PPIG: variants seen among roughly 807,000 people sequenced by gnomAD.
The protein encoded by PPIG is peptidyl-prolyl cis-trans isomerase G.
PPIG carries 26 observed loss-of-function variants against 87.9 expected under a neutral mutation model. The observed-to-expected ratio is 0.30, with a 90% confidence interval of 0.22 to 0.41. The LOEUF (loss-of-function observed/expected upper bound fraction) is 0.41. Among genes scored for constraint, PPIG ranks in the 10% least tolerant of loss-of-function variants. PPIG has a pLI of 1.00. For synonymous variants in PPIG, 308 were observed against 276.5 expected (o/e 1.11, Z -1.13); for missense variants, 722 against 879.4 (o/e 0.82, Z 2.26).
At chr2:169,588,854 G>A (rs1389623776) in intron 1 of PPIG, among the ~76,000 whole-genome samples, 1 of 151,290 alleles carries the variant, frequency 6.6e-6, no homozygotes, top group Non-Finnish European at 1.5e-5. Flanking sequence ...CAGCTACTCG[G>A]AGGCTGAGGC....
At chr2:169,587,621 A>G (rs569876016) in intron 1 of PPIG, among the ~76,000 whole-genome samples, 1 of 152,318 alleles carries the variant, frequency 6.6e-6, no homozygotes, top group African/African-American at 2.4e-5. Flanking sequence ...TAATGCATAA[A>G]TGGTCACCAT....
intron 1 of PPIG, among the ~76,000 whole-genome samples, chr2:169,601,149 A>G (rs549835625): frequency 5.3e-5 from 8 of 152,220 alleles, no homozygotes; most frequent in South Asian, 2.1e-4. Context: ...TTGTGTTACA[A>G]TGAAACTGCC....
chr2:169,589,121 AT>A (rs113928940), intron 1 of PPIG, among the ~76,000 whole-genome samples: 60 of 152,278 alleles, frequency 3.9e-4, no homozygotes, highest in African/African-American at 1.4e-3. Flanking sequence ...AGTGCGTAAT[AT>A]CCTTATTTAA....
chr2:169,600,387 T>C (rs1685148567), intron 1 of PPIG, among the ~76,000 whole-genome samples: 1 of 152,202 alleles, frequency 6.6e-6, no homozygotes, highest in Non-Finnish European at 1.5e-5. Flanking sequence ...CTAAGCTCTT[T>C]ACATGTTAAA....
chr2:169,627,829 T>A (rs2105514932), intron 9 of PPIG, among the ~76,000 whole-genome samples: 1 of 151,972 alleles, frequency 6.6e-6, no homozygotes, highest in Admixed American at 6.5e-5. Context: ...AGACTGGTGA[T>A]TAAAGCTTTT....
chr2:169,585,506 A>T (rs1574429368), intron 1 of PPIG, among the ~76,000 whole-genome samples: 2 of 151,796 alleles, frequency 1.3e-5, no homozygotes, highest in African/African-American at 4.8e-5. Context: ...TGATCCGCCC[A>T]CCTCGGCCTC....
At chr2:169,631,648 G>A (rs750705583) in intron 10 of PPIG, 118 bp from the exon 11 acceptor site, 1 of 1,501,724 alleles carries the variant, frequency 6.7e-7, no homozygotes, top group Non-Finnish European at 8.8e-7. Context: ...CACATCTTTG[G>A]TAAGGACAGG....
At position 169,640,174 on chromosome 2, in the gene PPIG, T is replaced by C. The variant is rs1686277301; in HGVS notation, c.*2651T>C. 6.6e-6 allele frequency: 1 copy of C among 152,176 alleles called. No homozygotes were observed. The highest frequency in any genetic ancestry group is 2.4e-5 in the African/African-American group (1 of 41,450). 9.4% of individuals were successfully genotyped at this position (152,176 alleles called of 1,614,324 possible). The stretch of plus-strand genomic sequence containing the variant: ...ATTAAATTACTACATAGTTGGTAAG[T>C]TCATAGTTTTAAGTTACTTAATTGA... On this transcript the variant is annotated 3_prime_UTR_variant, in exon 14 of 14. Transcript: ENST00000260970.
At position 169,602,292 on chromosome 2, in the gene PPIG, A is replaced by G. The variant is rs1685206296; in HGVS notation, c.-69-1350A>G. ...AAGGATATTCAATCTGTACATACTGAGTTAAATAGAATATATTAAAATTAG... is the reference window on the plus strand; with the variant it reads ...AAGGATATTCAATCTGTACATACTGGGTTAAATAGAATATATTAAAATTAG... On this transcript the variant is annotated intron_variant, in intron 1 of 13. Transcript: ENST00000260970. Among the ~76,000 whole-genome samples, 2 of 151,878 alleles carry G rather than the reference A, an allele frequency of 1.3e-5. 1 individual carries two copies. The highest frequency in any genetic ancestry group is 3.9e-4 in the East Asian group (2 of 5,184).
At chr2:169,587,942 G>A (rs917017121) in intron 1 of PPIG, among the ~76,000 whole-genome samples, 2 of 152,102 alleles carry the variant, frequency 1.3e-5, no homozygotes, top group African/African-American at 2.4e-5. Flanking sequence ...GATCACCTGA[G>A]GTCGGGAGTT....
chr2:169,605,290 C>G (rs1343905614), intron 4 of PPIG, among the ~76,000 whole-genome samples: 2 of 152,132 alleles, frequency 1.3e-5, no homozygotes, highest in African/African-American at 4.8e-5. Context: ...CAAGATCGCA[C>G]CATTGCTCTC....
In PPIG at chr2:169,639,819, T is replaced by C. The variant is rs993845661; in HGVS notation, c.*2296T>C. 6.6e-6 allele frequency: 1 copy of C among 152,160 alleles called. No individual in the cohort carries two copies. The highest frequency in any genetic ancestry group is 1.5e-5 in the Non-Finnish European group (1 of 68,004). 9.4% of individuals were successfully genotyped at this position (152,160 alleles called of 1,614,324 possible). On this transcript the variant is annotated 3_prime_UTR_variant, in exon 14 of 14. Coordinates refer to ENST00000260970, the MANE Select transcript of PPIG (RefSeq NM_004792.3). Reference sequence around the variant, plus strand: ...CCTTTCCTTTTGTTACATTTAGTAGTTGTGCCATCTTTAGTTTTTGCTTTG... The same window carrying C: ...CCTTTCCTTTTGTTACATTTAGTAGCTGTGCCATCTTTAGTTTTTGCTTTG...
rs952651737 is a variant in PPIG, at chr2:169,638,559, GA to G, written c.*1040del. On this transcript the variant is annotated 3_prime_UTR_variant, in exon 14 of 14. Transcript: ENST00000260970. ...CATAGCTGTGAGTTCCAAATGGCAA[GA>G]AAATGCATCTTTTCTATATATGTAT... The G allele has an allele frequency of 3.3e-5, 5 of 151,942 alleles. No individual in the cohort carries two copies. Among genetic ancestry groups the G allele is most frequent in the African/African-American group, 1.2e-4 (5 of 41,408 alleles). 9.4% of individuals were successfully genotyped at this position (151,942 alleles called of 1,614,324 possible). A position where few individuals can be genotyped will look rare whatever the true frequency, so the allele number is the denominator to read the frequency against.
At chr2:169,610,981 G>A (rs2105495808) in intron 7 of PPIG, among the ~76,000 whole-genome samples, 1 of 152,254 alleles carries the variant, frequency 6.6e-6, no homozygotes, top group Admixed American at 6.5e-5. Flanking sequence ...CGAGGTGGCG[G>A]GTGGATCACT....
At chr2:169,601,287 C>T (rs1403618835) in intron 1 of PPIG, among the ~76,000 whole-genome samples, 1 of 152,180 alleles carries the variant, frequency 6.6e-6, no homozygotes, top group Non-Finnish European at 1.5e-5. Flanking sequence ...CCTATCCTCT[C>T]ACATTTATTC....
At chr2:169,631,589 G>T in intron 10 of PPIG, 177 bp from the exon 11 acceptor site, 1 of 1,370,134 alleles carries the variant, frequency 7.3e-7, no homozygotes, top group African/African-American at 1.5e-5. Flanking sequence ...TTTGTTTTTT[G>T]ATTGGTTAGT....
chr2:169,629,437 G>C (rs1685980023), intron 9 of PPIG, among the ~76,000 whole-genome samples: 1 of 152,182 alleles, frequency 6.6e-6, no homozygotes, highest in African/African-American at 2.4e-5. Flanking sequence ...TTTGCTGTGT[G>C]AATCAATCCA....
At chr2:169,603,797 A>G (rs1290912753) in intron 2 of PPIG, 103 bp downstream of exon 2, 1 of 515,924 alleles carries the variant, frequency 1.9e-6, no homozygotes, top group African/African-American at 1.9e-5. Flanking sequence ...TGATTACATA[A>G]TAATGGTTAA....
At chr2:169,614,066 T>C (rs974494952) in intron 7 of PPIG, among the ~76,000 whole-genome samples, 2 of 152,272 alleles carry the variant, frequency 1.3e-5, no homozygotes, top group African/African-American at 4.8e-5. Flanking sequence ...AAAAGCATTA[T>C]TGTTAAACTC....
Sources: gnomAD v4.1 joint callset for allele counts (sites outside exome capture counted in the v4.1 genomes callset) on GRCh38, gnomAD v4.1.1 for gene constraint, MANE v1.5 for transcripts, NCBI Gene and HGNC (gene_info 2026-07-23, HGNC 2026-07-21) for gene names.